EBF4: variants seen among roughly 807,000 people sequenced by gnomAD.
The protein encoded by EBF4 is EBF transcription factor 4.
Under a neutral mutation model 67.1 loss-of-function variants are expected in EBF4, and 34 were observed. The observed-to-expected ratio is 0.51, with a 90% CI of 0.39 to 0.67. The LOEUF is 0.67. Ranked by LOEUF, EBF4 falls within the 30% of genes least tolerant of loss-of-function variation. The pLI, the probability that EBF4 is intolerant of heterozygous loss-of-function variation, is 0.00. For synonymous variants in EBF4, 387 were observed against 377.7 expected (o/e 1.02, Z -0.29); for missense variants, 837 against 873.3 (o/e 0.96, Z 0.52).
intron 6 of EBF4, among the ~76,000 whole-genome samples, chr20:2,721,213 C>G (rs1236372175): frequency 1.5e-5 from 2 of 134,324 alleles, no homozygotes; most frequent in African/African-American, 5.6e-5. Flanking sequence ...ATTGGAACTT[C>G]TTGAAGTTTT....
Position 2,748,546 on chromosome 20 carries a change from C to A in EBF4, c.558-3C>A, listed in dbSNP as rs1371192128. Reference sequence around the variant, plus strand: ...CTTGAGCCCACCGACCACACTGTTTCAGGTTCTTCCTCAAGTTCTTCCTCA... The same window carrying A: ...CTTGAGCCCACCGACCACACTGTTTAAGGTTCTTCCTCAAGTTCTTCCTCA... On this transcript the variant is annotated splice_polypyrimidine_tract_variant and splice_region_variant and intron_variant, in intron 6 of 16. Coordinates refer to ENST00000609451, the Ensembl canonical transcript of EBF4. 1 of 1,551,494 alleles carries A rather than the reference C, an allele frequency of 6.4e-7. No individual in the cohort carries two copies. Among genetic ancestry groups the A allele is most frequent in the East Asian group, 2.4e-5 (1 of 40,920 alleles).
At chr20:2,750,459 C>T (rs534797709) in intron 10 of EBF4, among the ~76,000 whole-genome samples, 1 of 152,326 alleles carries the variant, frequency 6.6e-6, no homozygotes, top group South Asian at 2.1e-4. Flanking sequence ...TGCACGACGC[C>T]AGGGCGAGCA....
Position 2,752,356 on chromosome 20 carries a change from G to T in EBF4, c.1352-1G>T. ...CCTGACGGCCGCGCTCTCTCTCGCA[G>T]GCTACGCGCGCAGCTGCAGCAGCGC... On this transcript the variant is annotated splice_acceptor_variant, in intron 13 of 16. Coordinates refer to ENST00000609451, the Ensembl canonical transcript of EBF4. LOFTEE classifies it high-confidence loss of function. The T allele has an allele frequency of 8.2e-7, 1 of 1,217,764 alleles. No individual in the cohort carries two copies. The highest frequency in any genetic ancestry group is 3.6e-5 in the South Asian group (1 of 27,942). 75.4% of individuals were successfully genotyped at this position (1,217,764 alleles called of 1,614,324 possible). A position where few individuals can be genotyped will look rare whatever the true frequency, so the allele number is the denominator to read the frequency against.
At chr20:2,742,990 C>T (rs747675266) in intron 6 of EBF4, among the ~76,000 whole-genome samples, 4 of 152,160 alleles carry the variant, frequency 2.6e-5, no homozygotes, top group Non-Finnish European at 5.9e-5. Context: ...CCGCAGTTCC[C>T]ATGTCCACAT....
rs534008867 is a variant in EBF4 at position 2,720,510 on chromosome 20, A to G, written c.557+10868A>G. 8.6e-5 allele frequency among the ~76,000 whole-genome samples: 13 copies of G among 151,966 alleles called. No individual in the cohort carries two copies. In the South Asian group the frequency reaches 1.2e-3, roughly 15 times the overall value. On this transcript the variant is annotated intron_variant, in intron 6 of 16. Coordinates refer to ENST00000609451, the Ensembl canonical transcript of EBF4. Reference sequence around the variant, plus strand: ...TGTGTTGGCTTCTTAGCAAAACTCTATATTTTGTTATTTCAGTTGTTTATT... The same window carrying G: ...TGTGTTGGCTTCTTAGCAAAACTCTGTATTTTGTTATTTCAGTTGTTTATT...
At chr20:2,723,415 A>G (rs542299926) in intron 6 of EBF4, among the ~76,000 whole-genome samples, 1 of 152,058 alleles carries the variant, frequency 6.6e-6, no homozygotes, top group South Asian at 2.1e-4. Context: ...CAGTGGCGCA[A>G]TCTCGGCTCA....
exon 6 of EBF4, chr20:2,709,628 C>T (rs767570330): frequency 1.7e-5 from 26 of 1,553,998 alleles, no homozygotes; most frequent in South Asian, 5.9e-5. Flanking sequence ...CCTCAGACCC[C>T]GTCATCATTG....
At position 2,730,567 on chromosome 20, in the gene EBF4, T is replaced by A. The variant is rs1280774215; in HGVS notation, c.558-17982T>A. 2.0e-5 allele frequency among the ~76,000 whole-genome samples: 3 copies of A among 152,012 alleles called. No individual in the cohort carries two copies. In the East Asian group the frequency reaches 5.8e-4, roughly 29 times the overall value. ...AACTCACTACCCCCAGTAAAGGGGG[T>A]TGGGGTGAGGCAACAATGACGTCCC... is the stretch of plus-strand genomic sequence containing the variant. On this transcript the variant is annotated intron_variant, in intron 6 of 16. Coordinates refer to ENST00000609451, the Ensembl canonical transcript of EBF4.
intron 6 of EBF4, among the ~76,000 whole-genome samples, chr20:2,744,490 TTC>T (rs1163266562): frequency 3.7e-5 from 4 of 107,494 alleles, no homozygotes; most frequent in African/African-American, 4.7e-5. Flanking sequence ...TTTTTTTCTT[TTC>T]TTTTTTTTTT....
intron 15 of EBF4, among the ~76,000 whole-genome samples, chr20:2,757,405 G>A (rs1361127609): frequency 7.0e-6 from 1 of 142,412 alleles, no homozygotes; most frequent in African/African-American, 2.5e-5. Context: ...CCTCTGCACA[G>A]TTCAGGCAGG....
Position 2,751,395 on chromosome 20 carries a change from A to G in EBF4, c.1019-305A>G, listed in dbSNP as rs1433154460. Among the ~76,000 whole-genome samples the G allele has an allele frequency of 6.6e-6, 1 of 152,214 alleles. No homozygotes were observed. The highest frequency in any genetic ancestry group is 1.5e-5 in the Non-Finnish European group (1 of 68,040). On this transcript the variant is annotated intron_variant, in intron 10 of 16. Transcript: ENST00000609451. This position sits in a 1 kb window ranked among gnomAD's most constrained non-coding sequence, Gnocchi z 5.2. ...CCTTAGGACTATAACTCATATGTGT[A>G]TACGGTTTCCCTTTTTTCTAATCAC...
At chr20:2,712,072 G>A (rs1434862125) in intron 6 of EBF4, among the ~76,000 whole-genome samples, 1 of 152,160 alleles carries the variant, frequency 6.6e-6, no homozygotes, top group African/African-American at 2.4e-5. Flanking sequence ...TAATGAATGG[G>A]GCAGAGGAAG....
rs952487192 is a variant in EBF4, at chr20:2,707,054, G to A, written c.414+790G>A. On this transcript the variant is annotated intron_variant, in intron 4 of 16. Transcript: ENST00000609451. This position sits in a 1 kb window ranked among gnomAD's most constrained non-coding sequence, Gnocchi z 4.6. The stretch of plus-strand genomic sequence containing the variant: ...AAGGAGGGGGCTGAGTCTCAAATGG[G>A]CCAGATTAGTGGGCTAGGAATGCAA... Among the ~76,000 whole-genome samples, 1 of 152,200 alleles carries A rather than the reference G, an allele frequency of 6.6e-6. No individual in the cohort carries two copies. The highest frequency in any genetic ancestry group is 6.5e-5 in the Admixed American group (1 of 15,288).
intron 6 of EBF4, among the ~76,000 whole-genome samples, chr20:2,737,204 C>T (rs1045389295): frequency 8.1e-5 from 12 of 148,724 alleles, no homozygotes; most frequent in Non-Finnish European, 1.0e-4. Context: ...GAGCCGAGAT[C>T]GCGCCACTGC....
intron 10 of EBF4, 113 bp downstream of exon 10, chr20:2,750,086 C>G: frequency 2.1e-6 from 3 of 1,421,096 alleles, no homozygotes; most frequent in Non-Finnish European, 2.8e-6. Flanking sequence ...GCTGTGGCCA[C>G]GACCCCTAGA....
Position 2,706,013 on chromosome 20 carries a change from C to T in EBF4, c.334C>T (p.Arg112Cys), listed in dbSNP as rs762388110. The change falls in exon 3 of 17, where the codon CGC (arginine) becomes TGC (cysteine). Residue 112 changes from arginine (R) to cysteine (C), a missense_variant. Around this residue, in one of 3 missense-constraint regions of EBF4, gnomAD observed 226 missense variants for 306.5 expected, o/e 0.74. Coordinates refer to ENST00000609451, the Ensembl canonical transcript of EBF4. ...AAAGACTAACAATGGGATCCATTAC[C>T]GCCTCCGGCTGGTGTATAACAATGG... 14 of 1,551,476 alleles carry T rather than the reference C, an allele frequency of 9.0e-6. No individual in the cohort carries two copies. In the Admixed American group the frequency reaches 1.4e-4, roughly 15 times the overall value.
chr20:2,706,049 C>T lies in EBF4; in HGVS notation c.358+12C>T, dbSNP rs753616015. The stretch of plus-strand genomic sequence containing the variant: ...GGTGTATAACAATGGTGAGTGGAGG[C>T]CCCTGCCCTACCCAGCCCTGCCCCT... On this transcript the variant is annotated intron_variant, in intron 3 of 16. Coordinates refer to ENST00000609451, the Ensembl canonical transcript of EBF4. The T allele has an allele frequency of 6.4e-7, 1 of 1,551,368 alleles. No homozygotes were observed. The highest frequency in any genetic ancestry group is 8.7e-7 in the Non-Finnish European group (1 of 1,146,804).
rs570757818 is a variant in EBF4 at position 2,744,186 on chromosome 20, T to G, written c.558-4363T>G. 6.6e-5 allele frequency among the ~76,000 whole-genome samples: 10 copies of G among 151,982 alleles called. No homozygotes were observed. The East Asian group carries it at 1.6e-3, about 24-fold the overall frequency. ...ACCTCCGCCTCCCGGGTTCAAGTGA[T>G]TCTCCTGCCTCAGCCTCCCGAGTAG... On this transcript the variant is annotated intron_variant, in intron 6 of 16. Coordinates refer to ENST00000609451, the Ensembl canonical transcript of EBF4.
intron 6 of EBF4, among the ~76,000 whole-genome samples, chr20:2,723,100 C>G (rs774650040): frequency 6.6e-6 from 1 of 152,186 alleles, no homozygotes; most frequent in East Asian, 1.9e-4. Flanking sequence ...TATATTATTA[C>G]TATTCGATAA....
Sources: gnomAD v4.1 joint callset for allele counts (sites outside exome capture counted in the v4.1 genomes callset) on GRCh38, gnomAD v4.1.1 for gene constraint, gnomAD v4.1.1 regional missense constraint, Gnocchi (gnomAD v3.1) non-coding constraint, MANE v1.5 for transcripts, NCBI Gene and HGNC (gene_info 2026-07-23, HGNC 2026-07-21) for gene names.